Variants in NELL1 observed in about 807,000 individuals in gnomAD.
The protein encoded by NELL1 is protein kinase C-binding protein NELL1.
Under a neutral mutation model 107.4 loss-of-function variants are expected in NELL1, and 76 were observed. The observed-to-expected ratio is 0.71, with a 90% CI of 0.59 to 0.86. The LOEUF (loss-of-function observed/expected upper bound fraction) is 0.86, where lower values mean the gene tolerates loss of function less well. Ranked by LOEUF, NELL1 falls within the 40% of genes least tolerant of loss-of-function variation. The pLI, the probability that NELL1 is intolerant of heterozygous loss-of-function variation, is 0.00. For missense variants in NELL1, 1,024 were observed against 1,005.5 expected (o/e 1.02, Z -0.25); for synonymous variants, 353 against 341.2 (o/e 1.03, Z -0.38).
chr11:21,289,440 G>C (rs1443931077), intron 14 of NELL1, among the ~76,000 whole-genome samples: 2 of 152,170 alleles, frequency 1.3e-5, no homozygotes, highest in African/African-American at 4.8e-5. Context: ...GCCAAGGGAA[G>C]CCATGAGGGA....
At chr11:21,178,064 C>T (rs745998751) in intron 13 of NELL1, among the ~76,000 whole-genome samples, 9 of 151,688 alleles carry the variant, frequency 5.9e-5, no homozygotes, top group Non-Finnish European at 8.8e-5. Context: ...CCAGATCTGT[C>T]GGTTGTCTCT....
intron 13 of NELL1, among the ~76,000 whole-genome samples, chr11:21,144,136 G>T (rs1372245723): frequency 6.6e-6 from 1 of 152,196 alleles, no homozygotes; most frequent in African/African-American, 2.4e-5. Flanking sequence ...TTTCTGGGGA[G>T]AAGGTGTTAG....
At chr11:21,178,502 C>T (rs1360253026) in intron 13 of NELL1, among the ~76,000 whole-genome samples, 1 of 151,712 alleles carries the variant, frequency 6.6e-6, no homozygotes, top group African/African-American at 2.4e-5. Context: ...AATCGTAGCT[C>T]ACACCTGTAA....
At chr11:21,237,230 G>A (rs1590760782) in intron 14 of NELL1, among the ~76,000 whole-genome samples, 1 of 152,162 alleles carries the variant, frequency 6.6e-6, no homozygotes, top group South Asian at 2.1e-4. Context: ...TGTAGGATCT[G>A]CAATAATGTT....
At chr11:20,887,220 A>G (rs1326045310) in intron 5 of NELL1, among the ~76,000 whole-genome samples, 1 of 152,140 alleles carries the variant, frequency 6.6e-6, no homozygotes, top group Admixed American at 6.5e-5. Flanking sequence ...TGAATGTATC[A>G]TATTTTGTTT....
chr11:21,432,058 A>G (rs1852981048), intron 15 of NELL1, among the ~76,000 whole-genome samples: 1 of 152,186 alleles, frequency 6.6e-6, no homozygotes. Context: ...ATAACAGTGT[A>G]TAGCATATAG....
intron 5 of NELL1, among the ~76,000 whole-genome samples, chr11:20,902,201 A>C (rs901818462): frequency 1.3e-5 from 2 of 152,070 alleles, no homozygotes; most frequent in African/African-American, 2.4e-5. Flanking sequence ...GTGACAATAC[A>C]TCAAGGAAGA....
At chr11:20,942,799 G>T (rs1351131629) in intron 10 of NELL1, among the ~76,000 whole-genome samples, 1 of 152,196 alleles carries the variant, frequency 6.6e-6, no homozygotes, top group Non-Finnish European at 1.5e-5. Context: ...TTTGCTCACT[G>T]TGGTGATGGT....
In NELL1 at chr11:21,339,155, T is replaced by C. The variant is rs753812990; in HGVS notation, c.1550-31698T>C. Among the ~76,000 whole-genome samples, 50 of 152,332 alleles carry C rather than the reference T, an allele frequency of 3.3e-4. 1 individual carries two copies. The highest frequency in any genetic ancestry group is 3.4e-3 in the Middle Eastern group (1 of 294). ...CCTAAGAATGTGACTGTATGTGGAA[T>C]AGGGATGTAACTGCAGATGTAATTA... On this transcript the variant is annotated intron_variant, in intron 14 of 19. Coordinates refer to ENST00000357134, the MANE Select transcript of NELL1 (RefSeq NM_006157.5).
intron 15 of NELL1, among the ~76,000 whole-genome samples, chr11:21,403,512 T>TTAACA (rs1852148294): frequency 1.5e-5 from 1 of 67,962 alleles, no homozygotes; most frequent in South Asian, 5.8e-4. Context: ...ATGAGTTTCA[T>TTAACA]GCCCCATGGT....
At chr11:20,931,584 A>G (rs1464762584) in intron 9 of NELL1, among the ~76,000 whole-genome samples, 1 of 152,192 alleles carries the variant, frequency 6.6e-6, no homozygotes, top group African/African-American at 2.4e-5. Context: ...ATAATAAAAT[A>G]TAAAAAAAGA....
chr11:20,819,281 C>T (rs1288048661), intron 3 of NELL1, among the ~76,000 whole-genome samples: 4 of 152,188 alleles, frequency 2.6e-5, no homozygotes, highest in Admixed American at 2.6e-4. Context: ...GACCCCTGAA[C>T]ATAGTGGAAC....
intron 2 of NELL1, 55 bp downstream of exon 2, chr11:20,678,115 T>C (rs1384943404): frequency 3.8e-6 from 6 of 1,595,212 alleles, no homozygotes; most frequent in Non-Finnish European, 5.2e-6. Context: ...AGGGTCTGTC[T>C]GGGGAGTGCT....
intron 15 of NELL1, among the ~76,000 whole-genome samples, chr11:21,454,311 C>G (rs1387114544): frequency 6.6e-6 from 1 of 150,886 alleles, no homozygotes; most frequent in Non-Finnish European, 1.5e-5. Context: ...GCCACATTTT[C>G]TTAATCCAGT....
chr11:20,839,349 G>A (rs1848583998), intron 3 of NELL1, among the ~76,000 whole-genome samples: 1 of 152,146 alleles, frequency 6.6e-6, no homozygotes, highest in Non-Finnish European at 1.5e-5. Flanking sequence ...TGTTTGCTAA[G>A]AGGATTGAGT....
At chr11:20,964,319 CTT>C (rs1851348199) in intron 12 of NELL1, among the ~76,000 whole-genome samples, 1 of 152,104 alleles carries the variant, frequency 6.6e-6, no homozygotes. Context: ...GTCTCATAAA[CTT>C]TTTCTTTCTG....
intron 15 of NELL1, among the ~76,000 whole-genome samples, chr11:21,422,107 G>A (rs1410304959): frequency 1.3e-5 from 2 of 151,924 alleles, no homozygotes; most frequent in Non-Finnish European, 2.9e-5. Flanking sequence ...GTGTGTGTGT[G>A]TGTGTGTGTG....
At chr11:21,200,355 G>A (rs1857241359) in intron 13 of NELL1, among the ~76,000 whole-genome samples, 1 of 152,072 alleles carries the variant, frequency 6.6e-6, no homozygotes, top group South Asian at 2.1e-4. Context: ...GAATGAGATG[G>A]TATCTCATTG....
intron 15 of NELL1, among the ~76,000 whole-genome samples, chr11:21,403,568 G>C (rs1435669391): frequency 6.7e-6 from 1 of 149,486 alleles, no homozygotes; most frequent in Non-Finnish European, 1.5e-5. Context: ...CTTACATCCT[G>C]GTTCTTCTAG....
Sources: gnomAD v4.1 joint callset for allele counts (sites outside exome capture counted in the v4.1 genomes callset) on GRCh38, gnomAD v4.1.1 for gene constraint, MANE v1.5 for transcripts, NCBI Gene and HGNC (gene_info 2026-07-23, HGNC 2026-07-21) for gene names.